Variants in RXFP1 observed in about 807,000 individuals in gnomAD.
RXFP1 encodes the protein relaxin family peptide receptor 1.
Under a neutral mutation model 89.8 loss-of-function variants are expected in RXFP1, and 73 were observed. That is an observed-to-expected ratio of 0.81 (90% CI 0.67 to 0.99). RXFP1 has a LOEUF of 0.99. RXFP1 is among the 50% of genes least tolerant of loss of function. The pLI, the probability that RXFP1 is intolerant of heterozygous loss-of-function variation, is 0.00. For synonymous variants in RXFP1, 277 were observed against 305.5 expected (o/e 0.91, Z 0.97); for missense variants, 793 against 895.5 (o/e 0.89, Z 1.46).
intron 5 of RXFP1, chr4:158,606,958 C>A: frequency 1.0e-6 from 1 of 964,608 alleles, no homozygotes; most frequent in Non-Finnish European, 1.6e-6. Context: ...ACTTTTCAGT[C>A]AAAATTTATA....
At chr4:158,542,747 A>C (rs996126133) in intron 1 of RXFP1, among the ~76,000 whole-genome samples, 1 of 152,166 alleles carries the variant, frequency 6.6e-6, no homozygotes, top group African/African-American at 2.4e-5. Flanking sequence ...TCCTTTACTT[A>C]ATTTCAGTTC....
chr4:158,625,385 C>T (rs1368699037), intron 9 of RXFP1, among the ~76,000 whole-genome samples: 1 of 139,602 alleles, frequency 7.2e-6, no homozygotes, highest in African/African-American at 3.1e-5. Context: ...TAAAAAGAAA[C>T]AACTTCTCTG....
intron 3 of RXFP1, among the ~76,000 whole-genome samples, chr4:158,596,309 A>T (rs1174394147): frequency 6.9e-6 from 1 of 145,444 alleles, no homozygotes; most frequent in Non-Finnish European, 1.5e-5. Flanking sequence ...TGTTGCCCAG[A>T]CTGGAGTGCA....
chr4:158,616,402 C>A (rs1481114157), intron 8 of RXFP1, among the ~76,000 whole-genome samples: 1 of 151,976 alleles, frequency 6.6e-6, no homozygotes, highest in Non-Finnish European at 1.5e-5. Flanking sequence ...GCACTCCAGC[C>A]TGGGCAGACA....
intron 2 of RXFP1, among the ~76,000 whole-genome samples, chr4:158,587,517 A>G (rs1044330426): frequency 4.6e-5 from 7 of 152,238 alleles, no homozygotes; most frequent in African/African-American, 1.7e-4. Flanking sequence ...TCAATAACAG[A>G]AGTGAAACAG....
At chr4:158,612,095 A>G in intron 6 of RXFP1, 35 bp from the exon 7 acceptor site, 1 of 1,508,428 alleles carries the variant, frequency 6.6e-7, no homozygotes, top group Non-Finnish European at 9.0e-7. Context: ...CATCAAAAAT[A>G]TACAAATTTA....
At chr4:158,644,581 T>C (rs1356578002) in intron 14 of RXFP1, among the ~76,000 whole-genome samples, 1 of 152,212 alleles carries the variant, frequency 6.6e-6, no homozygotes, top group Non-Finnish European at 1.5e-5. Flanking sequence ...CATTTACGTA[T>C]ACTAACCATT....
At chr4:158,597,839 A>T (rs1760933317) in intron 3 of RXFP1, among the ~76,000 whole-genome samples, 1 of 152,186 alleles carries the variant, frequency 6.6e-6, no homozygotes, top group Admixed American at 6.5e-5. Flanking sequence ...ACAGACTCAC[A>T]TATGAGATAT....
In RXFP1 at chr4:158,599,682, A is replaced by G. The variant is rs528375385; in HGVS notation, c.392+251A>G. On this transcript the variant is annotated intron_variant, in intron 4 of 17. Transcript: ENST00000307765. ...TGGAGTGTCACCATATTTTATCTAA[A>G]CAAAAAAAGTCATCAATTGCATGTG... Among the ~76,000 whole-genome samples, 16 of 152,292 alleles carry G rather than the reference A, an allele frequency of 1.1e-4. No individual in the cohort carries two copies. In the South Asian group the frequency reaches 2.9e-3, roughly 28 times the overall value.
chr4:158,626,487 T>C (rs867448355), intron 9 of RXFP1, among the ~76,000 whole-genome samples: 2 of 152,244 alleles, frequency 1.3e-5, no homozygotes, highest in Admixed American at 6.5e-5. Context: ...ATATGGTTCA[T>C]TATGAAATAT....
At chr4:158,625,307 T>A (rs10857315) in intron 9 of RXFP1, among the ~76,000 whole-genome samples, 1 of 151,966 alleles carries the variant, frequency 6.6e-6, no homozygotes, top group African/African-American at 2.4e-5. Context: ...CAATATCCCA[T>A]GTAGTACAAA....
At chr4:158,576,317 T>C (rs1756190467) in intron 2 of RXFP1, among the ~76,000 whole-genome samples, 1 of 151,976 alleles carries the variant, frequency 6.6e-6, no homozygotes, top group Non-Finnish European at 1.5e-5. Context: ...TCCCAGCACT[T>C]TGAGAGGCCA....
At position 158,647,086 on chromosome 4, in the gene RXFP1, G is replaced by A. The variant is rs1356195569; in HGVS notation, c.1641G>A (p.Leu547=). 6.2e-7 allele frequency: 1 copy of A among 1,613,952 alleles called. No homozygotes were observed. The highest frequency in any genetic ancestry group is 1.3e-5 in the African/African-American group (1 of 74,922). The change falls in exon 16 of 18, where the codon TTG becomes TTA. Residue 547 remains leucine, a synonymous_variant. Transcript: ENST00000307765. ...GTTTTATAGTGGCTTTCATTCCATT[G>A]AGCAATAAGGAATTTTTCAAAAACT... ...ITGFIVAFIP[L]SNKEFFKNYY...
At chr4:158,624,342 G>C (rs907162217) in intron 9 of RXFP1, among the ~76,000 whole-genome samples, 2 of 152,122 alleles carry the variant, frequency 1.3e-5, no homozygotes, top group African/African-American at 4.8e-5. Context: ...AAATGTAAAA[G>C]GTAGAGGAGG....
intron 1 of RXFP1, among the ~76,000 whole-genome samples, chr4:158,533,075 A>C (rs550265231): frequency 6.6e-6 from 1 of 152,292 alleles, no homozygotes; most frequent in African/African-American, 2.4e-5. Context: ...CTTAACCCTT[A>C]ACTCTCTAGA....
chr4:158,569,069 T>C (rs1754470465), intron 1 of RXFP1, among the ~76,000 whole-genome samples: 1 of 152,260 alleles, frequency 6.6e-6, no homozygotes, highest in South Asian at 2.1e-4. Flanking sequence ...TAAAGTGTTA[T>C]AGTTAATATG....
chr4:158,600,827 A>C, intron 4 of RXFP1, among the ~76,000 whole-genome samples: 1 of 91,236 alleles, frequency 1.1e-5, no homozygotes, highest in East Asian at 2.2e-4. Flanking sequence ...ACCCTGCCTC[A>C]AAAAAAAAAA....
chr4:158,565,449 A>G (rs1485469664), intron 1 of RXFP1, among the ~76,000 whole-genome samples: 1 of 152,170 alleles, frequency 6.6e-6, no homozygotes, highest in Non-Finnish European at 1.5e-5. Context: ...CCTTGTGTCT[A>G]CATCTTGGCT....
At chr4:158,582,224 G>A (rs935223628) in intron 2 of RXFP1, among the ~76,000 whole-genome samples, 1 of 152,214 alleles carries the variant, frequency 6.6e-6, no homozygotes, top group African/African-American at 2.4e-5. Flanking sequence ...GTTCTCAAGT[G>A]AGTGAGAAAT....
Sources: allele counts gnomAD v4.1 joint callset (sites outside exome capture counted in the v4.1 genomes callset), GRCh38; gene constraint gnomAD v4.1.1; transcripts MANE v1.5; gene names NCBI Gene and HGNC (gene_info 2026-07-23, HGNC 2026-07-21).